The following GPNMB variants were observed in gnomAD, a reference collection of about 807,000 sequenced individuals.
GPNMB encodes transmembrane glycoprotein NMB.
In GPNMB, 71 loss-of-function variants were observed where a neutral mutation model predicts 57.3. That is an observed-to-expected ratio of 1.24 (90% confidence interval 1.02 to 1.51). The LOEUF (loss-of-function observed/expected upper bound fraction) is 1.51, where lower values mean the gene tolerates loss of function less well. GPNMB is among the 40% of genes most tolerant of loss of function. The probability of loss-of-function intolerance (pLI) is 0.00; values close to 1 mark genes in which losing one functional copy is unlikely to be tolerated. For missense variants in GPNMB, 677 were observed against 691.9 expected (o/e 0.98, Z 0.24); for synonymous variants, 253 against 263.2 (o/e 0.96, Z 0.38).
rs559050177 is a variant in GPNMB at position 23,259,934 on chromosome 7, G to A, written c.542-46G>A. 369 of 1,578,112 alleles carry A rather than the reference G, an allele frequency of 2.3e-4. 2 individuals are homozygous for A. In the South Asian group the frequency reaches 3.8e-3, roughly 16 times the overall value. On this transcript the variant is annotated intron_variant, in intron 4 of 10. Transcript: ENST00000258733. ...TCTTTAAGGAACAGCTTCCTATAAT[G>A]ATGATATAATGCAGCCAATAACTAA...
chr7:23,267,186 C>T (rs1327328591), intron 7 of GPNMB, among the ~76,000 whole-genome samples: 3 of 152,234 alleles, frequency 2.0e-5, no homozygotes, highest in Admixed American at 1.3e-4. Context: ...AAGGCCTGAG[C>T]CTGGGGCTGC....
At chr7:23,254,793 T>C (rs979324999) in intron 3 of GPNMB, among the ~76,000 whole-genome samples, 10 of 152,138 alleles carry the variant, frequency 6.6e-5, no homozygotes, top group Admixed American at 2.6e-4. Flanking sequence ...GTGAAAGAAA[T>C]AAGCTCTCTA....
intron 9 of GPNMB, among the ~76,000 whole-genome samples, chr7:23,271,697 G>C (rs1783209788): frequency 6.6e-6 from 1 of 152,074 alleles, no homozygotes; most frequent in South Asian, 2.1e-4. Context: ...TCGGGAGGCT[G>C]AGGTAGGAGA....
At chr7:23,265,048 C>G (rs1783024538) in intron 6 of GPNMB, among the ~76,000 whole-genome samples, 3 of 152,192 alleles carry the variant, frequency 2.0e-5, no homozygotes. Flanking sequence ...AAGAGGCTGC[C>G]ACAGTTCTTC....
At chr7:23,261,359 T>C (rs546409894) in intron 6 of GPNMB, among the ~76,000 whole-genome samples, 2 of 152,286 alleles carry the variant, frequency 1.3e-5, no homozygotes, top group South Asian at 2.1e-4. Context: ...CTATTCACAA[T>C]AGCAAAGACT....
intron 1 of GPNMB, chr7:23,248,060 G>C (rs1385323405): frequency 6.6e-6 from 1 of 152,306 alleles, no homozygotes; most frequent in African/African-American, 2.4e-5. Flanking sequence ...GGTTGGACAG[G>C]CTCGGGCTCC....
At chr7:23,259,365 G>A (rs923571216) in intron 4 of GPNMB, among the ~76,000 whole-genome samples, 1 of 151,980 alleles carries the variant, frequency 6.6e-6, no homozygotes, top group African/African-American at 2.4e-5. Context: ...TTGTATTTTA[G>A]TAGAGATGGA....
chr7:23,252,343 AACTC>A (rs2128481051), intron 1 of GPNMB, among the ~76,000 whole-genome samples: 1 of 152,390 alleles, frequency 6.6e-6, no homozygotes, highest in African/African-American at 2.4e-5. Context: ...TTCTATGAGA[AACTC>A]ACTTCAAATA....
intron 1 of GPNMB, among the ~76,000 whole-genome samples, chr7:23,248,776 G>GGTT (rs113494779): frequency 2.1e-5 from 3 of 143,426 alleles, no homozygotes; most frequent in African/African-American, 7.6e-5. Flanking sequence ...TTACTATTGG[G>GGTT]TTTTTTTTTT....
chr7:23,262,696 G>A (rs567386020), intron 6 of GPNMB, among the ~76,000 whole-genome samples: 1 of 127,204 alleles, frequency 7.9e-6, no homozygotes, highest in Non-Finnish European at 1.6e-5. Context: ...TTGGCTCACT[G>A]CAACCTCCAC....
intron 9 of GPNMB, among the ~76,000 whole-genome samples, chr7:23,270,864 G>A (rs1006322917): frequency 3.9e-5 from 6 of 152,164 alleles, no homozygotes; most frequent in Non-Finnish European, 8.8e-5. Context: ...CCAAATTAGG[G>A]CTCTACCCTA....
chr7:23,265,979 C>T (rs1472854156), intron 6 of GPNMB, among the ~76,000 whole-genome samples: 2 of 151,218 alleles, frequency 1.3e-5, no homozygotes, highest in Admixed American at 1.3e-4. Flanking sequence ...GACGGAGTCT[C>T]GCTCTGTCAC....
chr7:23,261,167 C>A (rs1390911387), intron 6 of GPNMB, among the ~76,000 whole-genome samples: 1 of 152,108 alleles, frequency 6.6e-6, no homozygotes, highest in African/African-American at 2.4e-5. Context: ...TCCTTCCTCT[C>A]CCCCACTAAT....
At chr7:23,265,047 C>T (rs1393459441) in intron 6 of GPNMB, among the ~76,000 whole-genome samples, 3 of 152,202 alleles carry the variant, frequency 2.0e-5, no homozygotes, top group Admixed American at 2.0e-4. Flanking sequence ...CAAGAGGCTG[C>T]CACAGTTCTT....
At position 23,266,552 on chromosome 7, in the gene GPNMB, AT is replaced by A. The variant is rs763065333; in HGVS notation, c.1056del (p.Pro353LeufsTer20). On this transcript the variant is annotated frameshift_variant, in exon 7 of 11. Coordinates refer to ENST00000258733, the MANE Select transcript of GPNMB (RefSeq NM_002510.3). LOFTEE classifies it high-confidence loss of function. ...TGACAACCCCCTGGAGCTGAGTAGG[AT>A]TCCTGATGAAAACTGCCAGATTAAC... is the stretch of plus-strand genomic sequence containing the variant. ...AGDNPLELSR[I>X]PDENCQINRY... 13 of 1,613,878 alleles carry A rather than the reference AT, an allele frequency of 8.1e-6. No individual in the cohort carries two copies. The East Asian group carries it at 2.7e-4, about 33-fold the overall frequency.
chr7:23,273,470 AT>A lies in GPNMB; in HGVS notation c.1430-50del, dbSNP rs142059223. ...TTTATTTAATGGCATTATAAGCGGCATGTCCTCTAGGTGGAAGACATAACTA... is the reference window on the plus strand; with the variant it reads ...TTTATTTAATGGCATTATAAGCGGCAGTCCTCTAGGTGGAAGACATAACTA... On this transcript the variant is annotated intron_variant, in intron 9 of 10. Transcript: ENST00000258733. The A allele has an allele frequency of 1.2e-3, 1,380 of 1,156,944 alleles. 15 individuals carry two copies. The African/African-American group carries it at 0.018, about 15-fold the overall frequency. 71.7% of individuals were successfully genotyped at this position (1,156,944 alleles called of 1,614,324 possible).
At chr7:23,263,612 C>CAA (rs750640697) in intron 6 of GPNMB, among the ~76,000 whole-genome samples, 2,316 of 62,932 alleles carry the variant, frequency 0.037, 80 homozygotes, top group African/African-American at 0.12. Context: ...AACTCTGTCT[C>CAA]AAAAAAAAAA....
At chr7:23,257,125 C>T (rs751320052) in intron 4 of GPNMB, 60 bp downstream of exon 4, 10 of 1,360,170 alleles carry the variant, frequency 7.4e-6, no homozygotes, top group African/African-American at 2.9e-5. Flanking sequence ...TCAACCTTCT[C>T]TTTTCTTACT....
intron 6 of GPNMB, among the ~76,000 whole-genome samples, chr7:23,264,096 G>GAAAAAAAA (rs35143635): frequency 2.7e-5 from 3 of 109,680 alleles, no homozygotes; most frequent in African/African-American, 3.1e-5. Context: ...GAACAAATCT[G>GAAAAAAAA]AAAAAAAAAA....
Sources: allele counts gnomAD v4.1 joint callset (sites outside exome capture counted in the v4.1 genomes callset), GRCh38; gene constraint gnomAD v4.1.1; transcripts MANE v1.5; gene names NCBI Gene and HGNC (gene_info 2026-07-23, HGNC 2026-07-21).